Variants in UGT1A9 observed in about 807,000 individuals in gnomAD.
UGT1A9 encodes UDP glucuronosyltransferase family 1 member A9, also known as UDP-glucuronosyltransferase 1A9.
UGT1A9 carries 35 observed loss-of-function variants against 45.0 expected under a neutral mutation model. The ratio of observed to expected loss-of-function variants is 0.78; its 90% CI spans 0.59 to 1.03. UGT1A9 has a LOEUF of 1.03. Among genes scored for constraint, UGT1A9 ranks in the 50% least tolerant of loss-of-function variants. UGT1A9 has a pLI of 0.00. For missense variants in UGT1A9, 687 were observed against 666.6 expected (o/e 1.03, Z -0.34); for synonymous variants, 278 against 250.6 (o/e 1.11, Z -1.03).
chr2:233,720,218 T>C (rs1362764993), intron 1 of UGT1A9, among the ~76,000 whole-genome samples: 2 of 152,126 alleles, frequency 1.3e-5, no homozygotes, highest in African/African-American at 2.4e-5. Context: ...GATGGATGCA[T>C]GTGATCAGAG....
chr2:233,719,487 A>C lies in UGT1A9; in HGVS notation c.855+46698A>C, dbSNP rs138822211. The C allele has an allele frequency of 3.9e-4, 633 of 1,613,068 alleles. 2 individuals are homozygous for C. Among genetic ancestry groups the C allele is most frequent in the African/African-American group, 3.8e-3 (282 of 75,012 alleles). ...GCTCTACCCTCTGGCCCTGTCCTAC[A>C]TTTGCCATACTTTTTCTGCCCCTTA... On this transcript the variant is annotated intron_variant, in intron 1 of 4. Coordinates refer to ENST00000354728, the MANE Select transcript of UGT1A9 (RefSeq NM_021027.3).
chr2:233,724,488 C>T (rs1473203423), intron 1 of UGT1A9, among the ~76,000 whole-genome samples: 4 of 72,584 alleles, frequency 5.5e-5, no homozygotes, highest in Non-Finnish European at 8.7e-5. Context: ...TCAGACGGGG[C>T]GGCCGGGCAG....
At chr2:233,743,076 G>T (rs1054800) in intron 1 of UGT1A9, 5 of 344,584 alleles carry the variant, frequency 1.5e-5, no homozygotes, top group Non-Finnish European at 2.8e-5. Context: ...GTGTTGGCAT[G>T]AAGTGTTTAT....
Position 233,671,952 on chromosome 2 carries a change from G to T in UGT1A9, c.18G>T (p.Trp6Cys), listed in dbSNP as rs1191029711. MACTG[W>C]TSPLPLCVCL... is the part of the protein sequence containing the mutation. ...GTTCTCTGATGGCTTGCACAGGGTG[G>T]ACCAGCCCCCTTCCTCTATGTGTGT... The change falls in exon 1 of 5, where the codon TGG (tryptophan) becomes TGT (cysteine). Residue 6 changes from tryptophan (W) to cysteine (C), a missense_variant. By Grantham distance (215) the Trp-to-Cys change is radical. Transcript: ENST00000354728. 1 of 1,612,884 alleles carries T rather than the reference G, an allele frequency of 6.2e-7. No individual in the cohort carries two copies. Among genetic ancestry groups the T allele is most frequent in the Non-Finnish European group, 8.5e-7 (1 of 1,179,358 alleles).
At chr2:233,747,925 T>C in intron 1 of UGT1A9, 1 of 1,613,432 alleles carries the variant, frequency 6.2e-7, no homozygotes, top group South Asian at 1.1e-5. Flanking sequence ...GCCTCTGAGC[T>C]TTTTCAGAGG....
chr2:233,755,110 C>T, intron 1 of UGT1A9: 1 of 1,333,642 alleles, frequency 7.5e-7, no homozygotes, highest in Non-Finnish European at 1.0e-6. Flanking sequence ...GACAACACCT[C>T]GTAGGCCTCA....
chr2:233,738,549 T>C (rs577240283), intron 1 of UGT1A9, among the ~76,000 whole-genome samples: 15 of 152,296 alleles, frequency 9.8e-5, no homozygotes, highest in Admixed American at 3.9e-4. Flanking sequence ...GAGTCTCAGA[T>C]AGAGATGAGG....
At chr2:233,744,237 T>A (rs1220461600) in intron 1 of UGT1A9, among the ~76,000 whole-genome samples, 1 of 151,784 alleles carries the variant, frequency 6.6e-6, no homozygotes, top group African/African-American at 2.4e-5. Context: ...GGGCCTTGAC[T>A]TTGGCTGCCT....
In UGT1A9 at chr2:233,719,159, T is replaced by C. The variant is rs28898610; in HGVS notation, c.855+46370T>C. 5.1e-4 allele frequency: 822 copies of C among 1,614,244 alleles called. 5 individuals are homozygous for C. The African/African-American group carries it at 9.5e-3, about 19-fold the overall frequency. ...ATCTTCTGAAGAGATATTCTAGAAG[T>C]ATGGCAATTATGAACAATGTATCTT... On this transcript the variant is annotated intron_variant, in intron 1 of 4. Transcript: ENST00000354728.
chr2:233,672,777 G>C lies in UGT1A9; in HGVS notation c.843G>C (p.Lys281Asn). ...FIGGINCHQG[K>N]PLPMEFEAYI... ...GTGGTATCAACTGCCATCAGGGAAA[G>C]CCGTTGCCTATGGTAAGTTATCTCT... is the stretch of plus-strand genomic sequence containing the variant. The change falls in exon 1 of 5, where the codon AAG becomes AAC. Residue 281 changes from lysine (K) to asparagine (N), a missense_variant. Coordinates refer to ENST00000354728, the MANE Select transcript of UGT1A9 (RefSeq NM_021027.3). 1 of 1,613,488 alleles carries C rather than the reference G, an allele frequency of 6.2e-7. No homozygotes were observed. Among genetic ancestry groups the C allele is most frequent in the Non-Finnish European group, 8.5e-7 (1 of 1,179,538 alleles).
intron 1 of UGT1A9, among the ~76,000 whole-genome samples, chr2:233,765,711 TTAATAA>T (rs10664358): frequency 2.7e-5 from 4 of 149,240 alleles, no homozygotes; most frequent in African/African-American, 7.4e-5. Context: ...ATAATAATAA[TTAATAA>T]TAATAATAAT....
At chr2:233,755,113 AG>A in intron 1 of UGT1A9, 1 of 1,332,540 alleles carries the variant, frequency 7.5e-7, no homozygotes, top group Non-Finnish European at 1.0e-6. Context: ...AACACCTCGT[AG>A]GCCTCAGCCA....
At chr2:233,691,835 G>A (rs2075059557) in intron 1 of UGT1A9, 1 of 166,852 alleles carries the variant, frequency 6.0e-6, no homozygotes, top group African/African-American at 2.4e-5. Context: ...GTAACAGTTT[G>A]AATGTTGTTA....
At chr2:233,739,460 T>C (rs1385095028) in intron 1 of UGT1A9, among the ~76,000 whole-genome samples, 1 of 152,240 alleles carries the variant, frequency 6.6e-6, no homozygotes, top group African/African-American at 2.4e-5. Context: ...GGGTTGGAGC[T>C]GCCTGAGACC....
intron 1 of UGT1A9, among the ~76,000 whole-genome samples, chr2:233,705,632 T>C (rs2075861807): frequency 6.6e-6 from 1 of 152,224 alleles, no homozygotes; most frequent in East Asian, 1.9e-4. Flanking sequence ...TTGACAGTTC[T>C]AGGAAGTTGA....
intron 1 of UGT1A9, among the ~76,000 whole-genome samples, chr2:233,702,296 T>C (rs540629836): frequency 2.0e-5 from 3 of 152,348 alleles, no homozygotes; most frequent in African/African-American, 7.2e-5. Flanking sequence ...TAAAGAGTTT[T>C]GTATATTGAT....
chr2:233,745,600 C>G (rs1179957536), intron 1 of UGT1A9, among the ~76,000 whole-genome samples: 2 of 151,524 alleles, frequency 1.3e-5, no homozygotes, highest in African/African-American at 4.9e-5. Context: ...GGACTTGGCA[C>G]TTGGTAAGCA....
chr2:233,672,740 T>C lies in UGT1A9; in HGVS notation c.806T>C (p.Met269Thr). Reference sequence around the variant, plus strand: ...TATCCCAAACCCGTGATGCCCAACATGATCTTCATTGGTGGTATCAACTGC... The same window carrying C: ...TATCCCAAACCCGTGATGCCCAACACGATCTTCATTGGTGGTATCAACTGC... ...LDYPKPVMPNMIFIGGINCHQ... is the reference protein window; with the variant it reads ...LDYPKPVMPNTIFIGGINCHQ... Residue 269 changes from methionine to threonine, a missense_variant, in exon 1 of 5, where the codon ATG becomes ACG. Physicochemically the swap from Met to Thr is moderately conservative, Grantham distance 81. Transcript: ENST00000354728. 2 of 1,613,942 alleles carry C rather than the reference T, an allele frequency of 1.2e-6. No individual in the cohort carries two copies. The highest frequency in any genetic ancestry group is 1.3e-5 in the African/African-American group (1 of 75,046).
chr2:233,677,864 G>A (rs2074402058), intron 1 of UGT1A9, among the ~76,000 whole-genome samples: 1 of 152,016 alleles, frequency 6.6e-6, no homozygotes, highest in African/African-American at 2.4e-5. Context: ...AGAAACACAT[G>A]CACTGGTATG....
Sources: gnomAD v4.1 joint callset for allele counts (sites outside exome capture counted in the v4.1 genomes callset) on GRCh38, gnomAD v4.1.1 for gene constraint, MANE v1.5 for transcripts, NCBI Gene and HGNC (gene_info 2026-07-23, HGNC 2026-07-21) for gene names.